The following ARMC9 variants were observed in gnomAD, a reference collection of about 807,000 sequenced individuals.
The protein encoded by ARMC9 is lisH domain-containing protein ARMC9.
A neutral mutation model predicts 107.0 loss-of-function variants in ARMC9; 94 were observed. The observed-to-expected ratio is 0.88, with a 90% CI of 0.74 to 1.04. The LOEUF is 1.04. Ranked by LOEUF, ARMC9 falls within the 50% of genes least tolerant of loss-of-function variation. The probability of loss-of-function intolerance (pLI) is 0.00; values close to 1 mark genes in which losing one functional copy is unlikely to be tolerated. For synonymous variants in ARMC9, 380 were observed against 396.9 expected, an observed-to-expected ratio of 0.96 and a Z score of 0.51; for missense variants, 942 against 1,030.1, an observed-to-expected ratio of 0.91 and a Z score of 1.17.
chr2:231,210,041 G>T (rs1370034438), intron 3 of ARMC9, among the ~76,000 whole-genome samples: 1 of 152,114 alleles, frequency 6.6e-6, no homozygotes, highest in Non-Finnish European at 1.5e-5. Flanking sequence ...ATAATTTTAG[G>T]CTTGGCTTGC....
chr2:231,354,633 T>C (rs1332216343), intron 21 of ARMC9, among the ~76,000 whole-genome samples: 2 of 152,126 alleles, frequency 1.3e-5, no homozygotes, highest in Admixed American at 6.5e-5. Flanking sequence ...CTGCCCGCCT[T>C]GGCCTCCCAA....
chr2:231,278,275 A>G, intron 15 of ARMC9, 107 bp from the exon 16 acceptor site: 3 of 1,086,766 alleles, frequency 2.8e-6, no homozygotes, highest in African/African-American at 1.5e-5. Context: ...CCGAGGTCAT[A>G]CAGCTCATGA....
chr2:231,349,440 G>C (rs1218244014), intron 21 of ARMC9, among the ~76,000 whole-genome samples: 1 of 152,080 alleles, frequency 6.6e-6, no homozygotes, highest in African/African-American at 2.4e-5. Context: ...TGGTTGGTTG[G>C]GGGTGGTGGC....
chr2:231,262,447 G>A (rs202117292), intron 12 of ARMC9, 49 bp downstream of exon 12: 2 of 1,515,208 alleles, frequency 1.3e-6, no homozygotes, highest in Admixed American at 3.3e-5. Flanking sequence ...CAATTCTAGG[G>A]AATGATCTTA....
At chr2:231,366,580 C>T (rs1480215317) in intron 23 of ARMC9, among the ~76,000 whole-genome samples, 1 of 151,950 alleles carries the variant, frequency 6.6e-6, no homozygotes, top group East Asian at 2.0e-4. Context: ...CGGTGGCTCA[C>T]GCCTGTAATC....
intron 19 of ARMC9, among the ~76,000 whole-genome samples, chr2:231,300,362 A>G (rs1308891157): frequency 6.6e-6 from 1 of 152,208 alleles, no homozygotes; most frequent in Non-Finnish European, 1.5e-5. Flanking sequence ...AAATAACACT[A>G]TTGTAGGAAC....
At chr2:231,219,977 G>A (rs1396395309) in intron 5 of ARMC9, among the ~76,000 whole-genome samples, 1 of 152,090 alleles carries the variant, frequency 6.6e-6, no homozygotes, top group South Asian at 2.1e-4. Context: ...CTATAGGCGT[G>A]CGCCACCACC....
intron 9 of ARMC9, 155 bp from the exon 10 acceptor site, chr2:231,256,431 G>GT: frequency 1.8e-6 from 2 of 1,118,154 alleles, no homozygotes; most frequent in African/African-American, 1.6e-5. Flanking sequence ...TAAATAAAGC[G>GT]TTTGTGTTTC....
chr2:231,364,806 A>AAAG (rs1445525337), intron 23 of ARMC9, among the ~76,000 whole-genome samples: 1 of 152,032 alleles, frequency 6.6e-6, no homozygotes, highest in Non-Finnish European at 1.5e-5. Flanking sequence ...TCAAAAAAAA[A>AAAG]AAAGAAAGAA....
chr2:231,328,721 A>G (rs1394596650), intron 19 of ARMC9, among the ~76,000 whole-genome samples: 1 of 151,820 alleles, frequency 6.6e-6, no homozygotes, highest in Admixed American at 6.6e-5. Flanking sequence ...TACAATCTGG[A>G]CTACTAAGCT....
At chr2:231,281,211 T>G (rs2040192748) in intron 16 of ARMC9, among the ~76,000 whole-genome samples, 1 of 117,320 alleles carries the variant, frequency 8.5e-6, no homozygotes, top group African/African-American at 3.3e-5. Flanking sequence ...CGGAAGTGAG[T>G]GGCCTGTATG....
chr2:231,352,661 G>GGATAGATAGATA (rs150058513), intron 21 of ARMC9, among the ~76,000 whole-genome samples: 4 of 145,188 alleles, frequency 2.8e-5, no homozygotes, highest in Admixed American at 6.9e-5. Flanking sequence ...GATGTTCACA[G>GGATAGATAGATA]GATAGATAGA....
At position 231,278,374 on chromosome 2, in the gene ARMC9, T is replaced by C. The variant is rs778281489; in HGVS notation, c.1475-8T>C. 3.1e-6 allele frequency: 5 copies of C among 1,613,868 alleles called. No individual in the cohort carries two copies. The highest frequency in any genetic ancestry group is 4.2e-6 in the Non-Finnish European group (5 of 1,179,876). ...ATGTCATGTTTAGCTTTGATTTGTTTCCCATAGGGAAGAACATGTGTGCCA... is the reference window on the plus strand; with the variant it reads ...ATGTCATGTTTAGCTTTGATTTGTTCCCCATAGGGAAGAACATGTGTGCCA... On this transcript the variant is annotated splice_polypyrimidine_tract_variant and splice_region_variant and intron_variant, in intron 15 of 24. Coordinates refer to ENST00000611582, the MANE Select transcript of ARMC9 (RefSeq NM_001352754.2).
At chr2:231,260,536 A>G (rs532376604) in intron 11 of ARMC9, among the ~76,000 whole-genome samples, 26 of 152,258 alleles carry the variant, frequency 1.7e-4, no homozygotes, top group Admixed American at 1.1e-3. Context: ...GCATGCTTCT[A>G]TGGTAGTGCT....
intron 3 of ARMC9, among the ~76,000 whole-genome samples, chr2:231,213,719 C>T (rs954460180): frequency 5.9e-5 from 9 of 152,038 alleles, no homozygotes; most frequent in African/African-American, 2.2e-4. Context: ...TTGTGATCCA[C>T]CTGCCTTGGC....
At chr2:231,301,744 C>T (rs1298463811) in intron 19 of ARMC9, among the ~76,000 whole-genome samples, 1 of 152,030 alleles carries the variant, frequency 6.6e-6, no homozygotes, top group African/African-American at 2.4e-5. Context: ...TTTGAGAGGC[C>T]AAAACAGGCA....
chr2:231,246,694 G>A (rs957339489), intron 9 of ARMC9, among the ~76,000 whole-genome samples: 21 of 152,142 alleles, frequency 1.4e-4, no homozygotes, highest in Admixed American at 3.9e-4. Context: ...TTGGTAGAAC[G>A]ATTTATTTTC....
At chr2:231,276,424 C>T (rs1362272404) in intron 14 of ARMC9, among the ~76,000 whole-genome samples, 1 of 152,090 alleles carries the variant, frequency 6.6e-6, no homozygotes, top group Admixed American at 6.6e-5. Flanking sequence ...GCGCCGTCAC[C>T]ACGCCTGGCT....
At chr2:231,225,540 A>G (rs1009867579) in intron 6 of ARMC9, among the ~76,000 whole-genome samples, 2 of 152,358 alleles carry the variant, frequency 1.3e-5, no homozygotes, top group East Asian at 1.9e-4. Context: ...TCATCCAGCC[A>G]TAAAAAGGAA....
Sources: gnomAD v4.1 joint callset for allele counts (sites outside exome capture counted in the v4.1 genomes callset) on GRCh38, gnomAD v4.1.1 for gene constraint, MANE v1.5 for transcripts, NCBI Gene and HGNC (gene_info 2026-07-23, HGNC 2026-07-21) for gene names.